DMD: variants seen among roughly 807,000 people sequenced by gnomAD.
The protein encoded by DMD is dystrophin.
In DMD, 63 loss-of-function variants were observed where a neutral mutation model predicts 330.1. The observed-to-expected ratio is 0.19, with a 90% CI of 0.16 to 0.24. The LOEUF (loss-of-function observed/expected upper bound fraction) is 0.24, where lower values mean the gene tolerates loss of function less well. Among genes scored for constraint, DMD ranks in the 10% least tolerant of loss-of-function variants. The pLI, the probability that DMD is intolerant of heterozygous loss-of-function variation, is 1.00. For missense variants in DMD, 3,344 were observed against 2,684.1 expected, an observed-to-expected ratio of 1.25 and a Z score of -5.43; for synonymous variants, 1,223 against 959.8, an observed-to-expected ratio of 1.27 and a Z score of -5.07.
At chrX:33,182,807 T>A (rs1488330468) in intron 1 of DMD, among the ~76,000 whole-genome samples, 1 of 112,287 alleles carries the variant, frequency 8.9e-6, no homozygotes, top group Admixed American at 9.4e-5. Context: ...AGAGAAGGAA[T>A]CCTATCAAGG....
intron 67 of DMD, among the ~76,000 whole-genome samples, chrX:31,192,314 C>T (rs1328893550): frequency 8.9e-6 from 1 of 112,191 alleles, no homozygotes; most frequent in African/African-American, 3.2e-5. Flanking sequence ...ACATTTTGAT[C>T]CTCTTAGACA....
At chrX:33,037,604 G>A (rs59903175) in intron 1 of DMD, among the ~76,000 whole-genome samples, 11,119 of 110,764 alleles carry the variant, frequency 0.1, 598 homozygotes, top group East Asian at 0.42. Context: ...TTTCTGTTTA[G>A]TTTCATTAGA....
chrX:32,889,640 C>G (rs1239682573), intron 2 of DMD, among the ~76,000 whole-genome samples: 1 of 110,956 alleles, frequency 9.0e-6, no homozygotes, highest in Non-Finnish European at 1.9e-5. Flanking sequence ...GTAATCTCCC[C>G]CACCCTTAAG....
At chrX:31,169,395 A>G in intron 74 of DMD, 48 bp downstream of exon 74, 3 of 991,906 alleles carry the variant, frequency 3.0e-6, no homozygotes, top group Non-Finnish European at 4.3e-6. Context: ...TATGTGTGCA[A>G]GTGTATGCAC....
chrX:32,464,795 T>G, intron 23 of DMD, 96 bp from the exon 24 acceptor site: 1 of 628,920 alleles, frequency 1.6e-6, no homozygotes, highest in Non-Finnish European at 2.7e-6. Flanking sequence ...CCAAAAACAA[T>G]TCCCATGTTT....
intron 62 of DMD, among the ~76,000 whole-genome samples, chrX:31,293,130 TTC>T (rs1482637672): frequency 5.6e-5 from 5 of 89,834 alleles, no homozygotes; most frequent in Non-Finnish European, 8.6e-5. Flanking sequence ...AATATTCGCT[TTC>T]TCTCTCTCTC....
rs760094287 is a variant in DMD, at chrX:32,251,337, T to TTCA, written c.6291-34277_6291-34275dup. On this transcript the variant is annotated intron_variant, in intron 43 of 78. Transcript: ENST00000357033. ...ACGTATGTATCTTGGTCACAGATAT[T>TTCA]TCATCCACGTTTCATGTAGATGTTT... Among the ~76,000 whole-genome samples the TTCA allele has an allele frequency of 1.8e-4, 20 of 111,249 alleles. No individual in the cohort carries two copies. The East Asian group carries it at 5.7e-3, about 32-fold the overall frequency.
chrX:31,774,573 T>C (rs1207155507), intron 50 of DMD, among the ~76,000 whole-genome samples: 1 of 110,350 alleles, frequency 9.1e-6, no homozygotes, highest in Non-Finnish European at 1.9e-5. Flanking sequence ...AAATTTTACT[T>C]ATTTTTTTTT....
chrX:32,502,478 A>T, intron 18 of DMD, among the ~76,000 whole-genome samples: 1 of 111,711 alleles, frequency 9.0e-6, no homozygotes, highest in Non-Finnish European at 1.9e-5. Context: ...ATGCAAAATT[A>T]TTTCAGTTAA....
Position 31,219,833 on chromosome X carries a change from T to TACACACACACACACACACAC in DMD, c.9361+3194_9361+3213dup, listed in dbSNP as rs58717973. On this transcript the variant is annotated intron_variant, in intron 64 of 78. Coordinates refer to ENST00000357033, the MANE Select transcript of DMD (RefSeq NM_004006.3). Reference sequence around the variant, plus strand: ...CCCATGTTGTTCAAGGATCAATGTATACACACACACACACACACACACACT... The same window carrying TACACACACACACACACACAC: ...CCCATGTTGTTCAAGGATCAATGTATACACACACACACACACACACACACACACACACACACACACACACT... Among the ~76,000 whole-genome samples the TACACACACACACACACACAC allele has an allele frequency of 7.5e-3, 752 of 100,330 alleles. 5 individuals are homozygous for TACACACACACACACACACAC. Among genetic ancestry groups the TACACACACACACACACACAC allele is most frequent in the Middle Eastern group, 0.025 (5 of 203 alleles). 87.1% of individuals were successfully genotyped at this position (100,330 alleles called of 115,157 possible).
chrX:32,239,434 C>A (rs922014499), intron 43 of DMD, among the ~76,000 whole-genome samples: 4 of 111,699 alleles, frequency 3.6e-5, no homozygotes, highest in African/African-American at 9.8e-5. Context: ...TACTCTCTGG[C>A]CCCCTTCCTC....
intron 7 of DMD, among the ~76,000 whole-genome samples, chrX:32,792,727 A>G (rs1475615011): frequency 1.8e-5 from 2 of 112,451 alleles, no homozygotes; most frequent in Non-Finnish European, 3.8e-5. Context: ...TAAGGTCATT[A>G]TATAATGATA....
chrX:31,420,099 T>C (rs2063285021), intron 60 of DMD, among the ~76,000 whole-genome samples: 1 of 112,252 alleles, frequency 8.9e-6, no homozygotes, highest in Non-Finnish European at 1.9e-5. Context: ...TTAAGAAAAA[T>C]GGGTGTTTTC....
chrX:31,807,900 C>T (rs999557015), intron 50 of DMD, among the ~76,000 whole-genome samples: 5 of 111,698 alleles, frequency 4.5e-5, no homozygotes, highest in African/African-American at 1.6e-4. Flanking sequence ...AGGTTCAAGG[C>T]CATGCTGTGC....
At chrX:31,153,290 CTG>C (rs1208690283) in intron 74 of DMD, among the ~76,000 whole-genome samples, 1 of 111,992 alleles carries the variant, frequency 8.9e-6, no homozygotes, top group Non-Finnish European at 1.9e-5. Flanking sequence ...TTGCAGCAAA[CTG>C]TTTCTTTTCA....
chrX:32,605,748 T>A (rs1163656264), intron 12 of DMD, among the ~76,000 whole-genome samples: 2 of 108,068 alleles, frequency 1.9e-5, no homozygotes, highest in Non-Finnish European at 3.9e-5. Context: ...TTAGCAGACA[T>A]TTTTTAAAAG....
At chrX:32,764,084 G>T (rs2072665143) in intron 7 of DMD, among the ~76,000 whole-genome samples, 1 of 107,601 alleles carries the variant, frequency 9.3e-6, no homozygotes, top group African/African-American at 3.5e-5. Flanking sequence ...ATTCCATTTG[G>T]GTTTAAGTTG....
intron 41 of DMD, among the ~76,000 whole-genome samples, chrX:32,332,112 A>G (rs1162698367): frequency 8.9e-6 from 1 of 111,821 alleles, no homozygotes; most frequent in African/African-American, 3.2e-5. Context: ...CTTAACACGC[A>G]CAAGAAATTT....
At chrX:32,602,282 G>C (rs1042847762) in intron 12 of DMD, among the ~76,000 whole-genome samples, 2 of 111,397 alleles carry the variant, frequency 1.8e-5, no homozygotes, top group Middle Eastern at 4.6e-3. Flanking sequence ...CAATTCTCTT[G>C]CCTTTCCTAC....
Sources: allele counts gnomAD v4.1 joint callset (sites outside exome capture counted in the v4.1 genomes callset), GRCh38; gene constraint gnomAD v4.1.1; transcripts MANE v1.5; gene names NCBI Gene and HGNC (gene_info 2026-07-23, HGNC 2026-07-21).